Variants in COX7B2 observed in about 807,000 individuals in gnomAD.
The protein encoded by COX7B2 is cytochrome c oxidase subunit 7B2, mitochondrial.
For synonymous variants in COX7B2, 37 were observed against 32.1 expected (o/e 1.15, Z -0.51); for missense variants, 109 against 95.9 (o/e 1.14, Z -0.57).
chr4:46,747,896 C>A (rs1026783434), intron 2 of COX7B2, among the ~76,000 whole-genome samples: 1 of 151,400 alleles, frequency 6.6e-6, no homozygotes, highest in African/African-American at 2.4e-5. Flanking sequence ...AAATAATAGC[C>A]GATATGCCTC....
chr4:46,879,007 T>A (rs1294086461), intron 1 of COX7B2, among the ~76,000 whole-genome samples: 2 of 152,210 alleles, frequency 1.3e-5, no homozygotes, highest in Non-Finnish European at 2.9e-5. Flanking sequence ...GTAAACAACA[T>A]ATAGGTCACT....
chr4:46,861,567 T>C (rs78872444), intron 1 of COX7B2, among the ~76,000 whole-genome samples: 2,608 of 152,286 alleles, frequency 0.017, 85 homozygotes, highest in African/African-American at 0.06. Context: ...ATTGCTCAGG[T>C]CTAGTACAAA....
chr4:46,857,886 G>A lies in COX7B2; in HGVS notation c.-104-12872C>T, dbSNP rs557702814. Among the ~76,000 whole-genome samples the A allele has an allele frequency of 1.7e-4, 26 of 152,222 alleles. No homozygotes were observed. The East Asian group carries it at 4.8e-3, about 28-fold the overall frequency. On this transcript the variant is annotated intron_variant, in intron 1 of 2. Coordinates refer to ENST00000355591, the MANE Select transcript of COX7B2 (RefSeq NM_130902.3). Reference sequence around the variant, plus strand: ...TTGTGTTGTTTTGTTTTGTTTCTCTGTGTTTCTCTTCTTTATAGTCTAAAA... The same window carrying A: ...TTGTGTTGTTTTGTTTTGTTTCTCTATGTTTCTCTTCTTTATAGTCTAAAA...
chr4:46,775,321 T>C (rs549823397), intron 2 of COX7B2, among the ~76,000 whole-genome samples: 20 of 152,224 alleles, frequency 1.3e-4, no homozygotes, highest in Non-Finnish European at 2.2e-4. Flanking sequence ...GGTCATATGT[T>C]GTTAAAAGAA....
intron 2 of COX7B2, among the ~76,000 whole-genome samples, chr4:46,789,542 T>C (rs767957995): frequency 6.6e-6 from 1 of 152,220 alleles, no homozygotes; most frequent in Non-Finnish European, 1.5e-5. Flanking sequence ...AGTTGGCATA[T>C]TACTGTTCAT....
At chr4:46,825,691 A>G (rs1439660893) in intron 2 of COX7B2, among the ~76,000 whole-genome samples, 1 of 152,158 alleles carries the variant, frequency 6.6e-6, no homozygotes, top group Non-Finnish European at 1.5e-5. Flanking sequence ...AGGAACATCG[A>G]CCAATGGAAC....
intron 2 of COX7B2, among the ~76,000 whole-genome samples, chr4:46,746,287 C>A (rs2109415167): frequency 6.6e-6 from 1 of 152,292 alleles, no homozygotes; most frequent in Middle Eastern, 3.4e-3. Context: ...ACCCAATACT[C>A]CTTTCCTGGC....
At chr4:46,886,280 T>C (rs1468837109) in intron 1 of COX7B2, among the ~76,000 whole-genome samples, 5 of 152,174 alleles carry the variant, frequency 3.3e-5, no homozygotes, top group Non-Finnish European at 7.4e-5. Flanking sequence ...TATTTCATAG[T>C]TGTATAAACT....
At position 46,854,396 on chromosome 4, in the gene COX7B2, T is replaced by C. The variant is rs573536165; in HGVS notation, c.-104-9382A>G. 1.1e-4 allele frequency among the ~76,000 whole-genome samples: 17 copies of C among 152,316 alleles called. No homozygotes were observed. In the South Asian group the frequency reaches 3.5e-3, roughly 32 times the overall value. On this transcript the variant is annotated intron_variant, in intron 1 of 2. Transcript: ENST00000355591. ...TTGACGGTATGAATAGGAAAATTCT[T>C]CACGATGATATTCAAGACAGTAGCC...
At chr4:46,856,427 G>A (rs1460251521) in intron 1 of COX7B2, among the ~76,000 whole-genome samples, 3 of 152,106 alleles carry the variant, frequency 2.0e-5, no homozygotes, top group Non-Finnish European at 2.9e-5. Flanking sequence ...CTAGAGGACT[G>A]GGGCATTAAC....
chr4:46,752,055 G>A (rs925100365), intron 2 of COX7B2, among the ~76,000 whole-genome samples: 2 of 152,144 alleles, frequency 1.3e-5, no homozygotes, highest in African/African-American at 4.8e-5. Flanking sequence ...CATGAGCATG[G>A]AATATTCTTC....
At chr4:46,749,277 A>G (rs1715204396) in intron 2 of COX7B2, among the ~76,000 whole-genome samples, 1 of 152,096 alleles carries the variant, frequency 6.6e-6, no homozygotes, top group African/African-American at 2.4e-5. Flanking sequence ...ATTTAAATTA[A>G]ATTTTAAAAT....
chr4:46,763,095 T>C (rs1716310620), intron 2 of COX7B2, among the ~76,000 whole-genome samples: 1 of 104,340 alleles, frequency 9.6e-6, no homozygotes, highest in African/African-American at 3.7e-5. Flanking sequence ...TATTATAATA[T>C]ATAATAAATT....
chr4:46,790,385 A>G (rs1399767118), intron 2 of COX7B2, among the ~76,000 whole-genome samples: 1 of 152,230 alleles, frequency 6.6e-6, no homozygotes, highest in Non-Finnish European at 1.5e-5. Flanking sequence ...ACTCATACAT[A>G]CATCAGTGCT....
intron 2 of COX7B2, among the ~76,000 whole-genome samples, chr4:46,843,509 T>C (rs1716075102): frequency 6.6e-6 from 1 of 152,098 alleles, no homozygotes; most frequent in Non-Finnish European, 1.5e-5. Context: ...GGCAGATTCA[T>C]TGCTCTGATT....
At chr4:46,769,715 A>G (rs958730368) in intron 2 of COX7B2, among the ~76,000 whole-genome samples, 3 of 152,212 alleles carry the variant, frequency 2.0e-5, no homozygotes, top group African/African-American at 7.2e-5. Flanking sequence ...ACTCTGTCTT[A>G]AGAAAAGAAA....
intron 2 of COX7B2, among the ~76,000 whole-genome samples, chr4:46,830,607 G>A (rs1231758432): frequency 6.6e-6 from 1 of 152,162 alleles, no homozygotes; most frequent in East Asian, 1.9e-4. Context: ...TTAACAGGAA[G>A]TGTTCACAGA....
intron 2 of COX7B2, among the ~76,000 whole-genome samples, chr4:46,775,136 T>C (rs73139351): frequency 0.034 from 5,108 of 152,168 alleles, 217 homozygotes; most frequent in African/African-American, 0.1. Flanking sequence ...ATTACAAGTA[T>C]ATATCATTTG....
intron 2 of COX7B2, among the ~76,000 whole-genome samples, chr4:46,808,885 T>C (rs1317458242): frequency 6.6e-6 from 1 of 151,844 alleles, no homozygotes; most frequent in Non-Finnish European, 1.5e-5. Flanking sequence ...GGGATAAATC[T>C]CATTCTGTCA....
Sources: allele counts gnomAD v4.1 joint callset (sites outside exome capture counted in the v4.1 genomes callset), GRCh38; gene constraint gnomAD v4.1.1; transcripts MANE v1.5; gene names NCBI Gene and HGNC (gene_info 2026-07-23, HGNC 2026-07-21).